Variants in INPP4B observed in about 807,000 individuals in gnomAD.
INPP4B encodes inositol polyphosphate 4-phosphatase type II.
In INPP4B, 55 loss-of-function variants were observed where a neutral mutation model predicts 122.5. The ratio of observed to expected loss-of-function variants is 0.45; its 90% CI spans 0.36 to 0.56. The LOEUF (loss-of-function observed/expected upper bound fraction) is 0.56. Among genes scored for constraint, INPP4B ranks in the 20% least tolerant of loss-of-function variants. The pLI, the probability that INPP4B is intolerant of heterozygous loss-of-function variation, is 0.00. For missense variants in INPP4B, 1,000 were observed against 1,097.7 expected (o/e 0.91, Z 1.26); for synonymous variants, 403 against 388.7 (o/e 1.04, Z -0.43).
At chr4:142,525,462 G>A (rs1826776251) in intron 2 of INPP4B, among the ~76,000 whole-genome samples, 3 of 108,016 alleles carry the variant, frequency 2.8e-5, no homozygotes, top group African/African-American at 9.1e-5. Context: ...CAAAGCTGGA[G>A]GCATCACACT....
At chr4:142,802,131 A>G (rs1338583971) in intron 1 of INPP4B, among the ~76,000 whole-genome samples, 3 of 152,122 alleles carry the variant, frequency 2.0e-5, no homozygotes, top group African/African-American at 7.2e-5. Flanking sequence ...CAGATACTTG[A>G]AAGCCTACCC....
intron 2 of INPP4B, among the ~76,000 whole-genome samples, chr4:142,622,647 CAATT>C (rs1268553605): frequency 6.6e-6 from 1 of 151,842 alleles, no homozygotes; most frequent in East Asian, 1.9e-4. Context: ...AACTCAAAGA[CAATT>C]AATGAGGATC....
At position 142,086,161 on chromosome 4, in the gene INPP4B, T is replaced by C. The variant is rs750041873; in HGVS notation, c.2470A>G (p.Met824Val). 12 of 1,591,844 alleles carry C rather than the reference T, an allele frequency of 7.5e-6. No individual in the cohort carries two copies. Among genetic ancestry groups the C allele is most frequent in the African/African-American group, 6.7e-5 (5 of 74,432 alleles). ...GTGCTTACCGTTGCAGCCAGCCACA[T>C]AATTTCTACATTCTTTCTTTTTTTG... ...QSKKRKNVEI[M>V]WLAATICRKL... Residue 824 changes from methionine (M) to valine (V), a missense_variant, in exon 24 of 26, where the codon ATG becomes GTG. Met to Val is a conservative substitution (Grantham distance 21). Transcript: ENST00000262992.
intron 1 of INPP4B, among the ~76,000 whole-genome samples, chr4:142,806,760 G>GAA (rs1347699206): frequency 1.7e-5 from 1 of 58,930 alleles, no homozygotes; most frequent in Non-Finnish European, 3.4e-5. Flanking sequence ...AGAAGAAGAA[G>GAA]AAAGAAGAAA....
At chr4:142,362,557 C>T (rs994057104) in intron 7 of INPP4B, among the ~76,000 whole-genome samples, 1 of 151,784 alleles carries the variant, frequency 6.6e-6, no homozygotes, top group Non-Finnish European at 1.5e-5. Flanking sequence ...AGGGTAAGAA[C>T]TTAGATGATT....
At chr4:142,787,469 C>T (rs1019459044) in intron 1 of INPP4B, among the ~76,000 whole-genome samples, 4 of 152,060 alleles carry the variant, frequency 2.6e-5, no homozygotes, top group East Asian at 1.9e-4. Flanking sequence ...TGCCCAGCCT[C>T]TAGAACTATG....
In INPP4B at chr4:142,664,491, CA is replaced by C. The variant is rs375306391; in HGVS notation, c.-191+61347del. 7.7e-3 allele frequency among the ~76,000 whole-genome samples: 1,170 copies of C among 152,130 alleles called. 20 individuals carry two copies. Among genetic ancestry groups the C allele is most frequent in the African/African-American group, 0.027 (1,123 of 41,484 alleles). Reference sequence around the variant, plus strand: ...AAAAGCCAAAGGTGAGATACTAGATCATTTCTAACACATTAGAATGCCAAAA... The same window carrying C: ...AAAAGCCAAAGGTGAGATACTAGATCTTTCTAACACATTAGAATGCCAAAA... On this transcript the variant is annotated intron_variant, in intron 2 of 25. Coordinates refer to ENST00000262992, the MANE Select transcript of INPP4B (RefSeq NM_001101669.3).
At chr4:142,610,550 A>T (rs116682176) in intron 2 of INPP4B, among the ~76,000 whole-genome samples, 1 of 152,182 alleles carries the variant, frequency 6.6e-6, no homozygotes, top group African/African-American at 2.4e-5. Context: ...TTTTAACAGC[A>T]TATGCTTTTC....
rs577779938 is a variant in INPP4B, at chr4:142,834,851, A to G, written c.-254+11358T>C. ...CCCTTGAGGTTTTGAGGGGCTTTTC[A>G]TCACTGCTAGGGCATTGTTCTTGTT... On this transcript the variant is annotated intron_variant, in intron 1 of 25. Transcript: ENST00000262992. 2.6e-5 allele frequency among the ~76,000 whole-genome samples: 4 copies of G among 152,334 alleles called. No homozygotes were observed. The East Asian group carries it at 5.8e-4, about 22-fold the overall frequency.
At chr4:142,427,117 T>A (rs1808266998) in intron 5 of INPP4B, 1 of 159,322 alleles carries the variant, frequency 6.3e-6, no homozygotes, top group East Asian at 1.7e-4. Context: ...ATGACAAAAA[T>A]GGACAGTAAA....
At chr4:142,292,858 T>A (rs2150991251) in intron 9 of INPP4B, among the ~76,000 whole-genome samples, 1 of 152,308 alleles carries the variant, frequency 6.6e-6, no homozygotes, top group Non-Finnish European at 1.5e-5. Context: ...TATAATGTTT[T>A]TCTTGTATAA....
At chr4:142,095,421 T>G (rs1283207126) in intron 23 of INPP4B, among the ~76,000 whole-genome samples, 1 of 152,232 alleles carries the variant, frequency 6.6e-6, no homozygotes, top group Non-Finnish European at 1.5e-5. Context: ...CATTGAAGGT[T>G]AGAACTAACG....
chr4:142,806,796 A>AAAGAAAGAAAGG (rs1778873566), intron 1 of INPP4B, among the ~76,000 whole-genome samples: 1 of 141,094 alleles, frequency 7.1e-6, no homozygotes, highest in Non-Finnish European at 1.5e-5. Flanking sequence ...GGAAAGAAAG[A>AAAGAAAGAAAGG]AAGAAAGAAA....
intron 1 of INPP4B, among the ~76,000 whole-genome samples, chr4:142,771,217 C>G (rs1773011181): frequency 6.6e-6 from 1 of 152,068 alleles, no homozygotes; most frequent in Admixed American, 6.6e-5. Context: ...GTAAATGTCA[C>G]CATACCACAT....
chr4:142,415,349 C>T (rs1345702544), intron 5 of INPP4B, among the ~76,000 whole-genome samples: 1 of 152,092 alleles, frequency 6.6e-6, no homozygotes, highest in African/African-American at 2.4e-5. Flanking sequence ...CTCAAGATGG[C>T]TGGACTCCGA....
At chr4:142,334,286 T>C (rs538867623) in intron 7 of INPP4B, among the ~76,000 whole-genome samples, 2 of 152,272 alleles carry the variant, frequency 1.3e-5, no homozygotes, top group East Asian at 1.9e-4. Flanking sequence ...ATACATATAC[T>C]TGTATGTATG....
rs1398953906 is a variant in INPP4B at position 142,784,736 on chromosome 4, GGTTT to G, written c.-253-58839_-253-58836del. Among the ~76,000 whole-genome samples the G allele has an allele frequency of 2.7e-5, 4 of 150,640 alleles. No homozygotes were observed. In the South Asian group the frequency reaches 6.3e-4, roughly 24 times the overall value. ...AGATCTGAGAAAAATGTTTTTTTTT[GGTTT>G]GTTTGTTTGTTTCAGAGAAAAGAGA... On this transcript the variant is annotated intron_variant, in intron 1 of 25. Transcript: ENST00000262992.
intron 1 of INPP4B, among the ~76,000 whole-genome samples, chr4:142,765,611 A>G (rs949216958): frequency 7.9e-5 from 12 of 152,182 alleles, no homozygotes; most frequent in African/African-American, 2.9e-4. Flanking sequence ...AACAAAATAG[A>G]ACTGACTTTG....
At chr4:142,839,226 G>A (rs1404310126) in intron 1 of INPP4B, among the ~76,000 whole-genome samples, 4 of 152,210 alleles carry the variant, frequency 2.6e-5, no homozygotes, top group African/African-American at 7.2e-5. Context: ...TGGAGGCTAA[G>A]GCGGGTGGAT....
Sources: allele counts gnomAD v4.1 joint callset (sites outside exome capture counted in the v4.1 genomes callset), GRCh38; gene constraint gnomAD v4.1.1; transcripts MANE v1.5; gene names NCBI Gene and HGNC (gene_info 2026-07-23, HGNC 2026-07-21).